Variants in NRG1 observed in about 807,000 individuals in gnomAD.
NRG1 encodes pro-neuregulin-1, membrane-bound isoform.
A neutral mutation model predicts 63.8 loss-of-function variants in NRG1; 18 were observed. That is an observed-to-expected ratio of 0.28 (90% CI 0.19 to 0.42). The LOEUF (loss-of-function observed/expected upper bound fraction) is 0.42, where lower values mean the gene tolerates loss of function less well. Ranked by LOEUF, NRG1 falls within the 10% of genes least tolerant of loss-of-function variation. The pLI, the probability that NRG1 is intolerant of heterozygous loss-of-function variation, is 1.00. For synonymous variants in NRG1, 302 were observed against 301.3 expected, an observed-to-expected ratio of 1.00 and a Z score of -0.02; for missense variants, 762 against 814.7, an observed-to-expected ratio of 0.94 and a Z score of 0.79.
In NRG1 at chr8:32,758,575, CAAAAAAAAAA is replaced by C. The variant is rs35499101; in HGVS notation, c.922-713_922-704del. Among the ~76,000 whole-genome samples, 81 of 74,540 alleles carry C rather than the reference CAAAAAAAAAA, an allele frequency of 1.1e-3. 1 individual carries two copies. The highest frequency in any genetic ancestry group is 4.6e-3 in the African/African-American group (74 of 16,052). 48.9% of individuals were successfully genotyped at this position (74,540 alleles called of 152,430 possible). A position where few individuals can be genotyped will look rare whatever the true frequency, so the allele number is the denominator to read the frequency against. ...TGGGCAACAGAGTGAGACTCCATCT[CAAAAAAAAAA>C]AAAAAAAAAAAAAAAAAGGAGAAGA... On this transcript the variant is annotated intron_variant, in intron 9 of 11. Transcript: ENST00000356819.
chr8:32,591,102 C>T (rs975141867), intron 1 of NRG1, among the ~76,000 whole-genome samples: 1 of 152,110 alleles, frequency 6.6e-6, no homozygotes, highest in African/African-American at 2.4e-5. Context: ...GTTGGTAGTA[C>T]ACAGATGTGT....
intron 1 of NRG1, among the ~76,000 whole-genome samples, chr8:31,853,006 T>C (rs1827420395): frequency 6.6e-6 from 1 of 152,000 alleles, no homozygotes; most frequent in African/African-American, 2.4e-5. Flanking sequence ...CTGTTTTGGT[T>C]ACTGTAGCCT....
intron 1 of NRG1, among the ~76,000 whole-genome samples, chr8:31,644,680 G>A (rs979861261): frequency 5.9e-5 from 9 of 151,928 alleles, no homozygotes; most frequent in African/African-American, 1.9e-4. Flanking sequence ...TCATTCTTCC[G>A]GAAATCTCCT....
chr8:32,362,916 G>C (rs1318322639), intron 1 of NRG1, among the ~76,000 whole-genome samples: 1 of 152,124 alleles, frequency 6.6e-6, no homozygotes, highest in African/African-American at 2.4e-5. Context: ...TTCCAGACAA[G>C]GAAGGAATTA....
At chr8:32,377,026 C>T (rs1296811550) in intron 1 of NRG1, among the ~76,000 whole-genome samples, 1 of 152,160 alleles carries the variant, frequency 6.6e-6, no homozygotes, top group African/African-American at 2.4e-5. Context: ...CACATTTTTA[C>T]AGTAAATGCA....
At chr8:31,715,445 T>C (rs1157718197) in intron 1 of NRG1, among the ~76,000 whole-genome samples, 1 of 152,178 alleles carries the variant, frequency 6.6e-6, no homozygotes, top group Admixed American at 6.5e-5. Context: ...TTAATAAAAG[T>C]ACAGAGCAGC....
intron 1 of NRG1, among the ~76,000 whole-genome samples, chr8:31,666,358 A>G (rs574154065): frequency 6.6e-6 from 1 of 152,284 alleles, no homozygotes; most frequent in Admixed American, 6.5e-5. Flanking sequence ...CAAGGCCTCA[A>G]CATTTTCTAC....
intron 1 of NRG1, among the ~76,000 whole-genome samples, chr8:32,239,569 C>T (rs1285011617): frequency 6.6e-6 from 1 of 151,912 alleles, no homozygotes; most frequent in Non-Finnish European, 1.5e-5. Flanking sequence ...GGGACCTCAT[C>T]AAAATTAAAA....
chr8:32,404,582 C>T (rs1380887568), intron 1 of NRG1, among the ~76,000 whole-genome samples: 2 of 114,458 alleles, frequency 1.7e-5, no homozygotes, highest in South Asian at 3.2e-4. Context: ...TTTTCTTCTT[C>T]ATCTTTTTTT....
At chr8:31,800,473 G>C (rs1018783721) in intron 1 of NRG1, among the ~76,000 whole-genome samples, 1 of 152,100 alleles carries the variant, frequency 6.6e-6, no homozygotes, top group Non-Finnish European at 1.5e-5. Context: ...TGTTTCTACC[G>C]CATTTATCTC....
intron 1 of NRG1, among the ~76,000 whole-genome samples, chr8:31,959,460 G>C (rs1277947367): frequency 6.6e-6 from 1 of 152,128 alleles, no homozygotes; most frequent in Non-Finnish European, 1.5e-5. Flanking sequence ...CTGTGGTTCA[G>C]CATCACCAGG....
intron 1 of NRG1, among the ~76,000 whole-genome samples, chr8:32,466,741 C>T (rs950756284): frequency 6.6e-6 from 1 of 152,070 alleles, no homozygotes; most frequent in African/African-American, 2.4e-5. Flanking sequence ...CAGTGTGTTT[C>T]ACGGCCTTGC....
intron 1 of NRG1, among the ~76,000 whole-genome samples, chr8:32,275,248 T>C (rs1219120137): frequency 6.6e-6 from 1 of 152,224 alleles, no homozygotes; most frequent in African/African-American, 2.4e-5. Context: ...AACAGTGATT[T>C]ACTAACAACC....
At chr8:32,127,528 CGTGTGTGTGT>C (rs3084577) in intron 1 of NRG1, among the ~76,000 whole-genome samples, 7 of 146,278 alleles carry the variant, frequency 4.8e-5, no homozygotes, top group South Asian at 2.2e-4. Context: ...TGTATCTGCA[CGTGTGTGTGT>C]GTGTGTGTGT....
intron 1 of NRG1, among the ~76,000 whole-genome samples, chr8:32,390,427 A>G (rs1410693723): frequency 6.6e-6 from 1 of 151,850 alleles, no homozygotes; most frequent in Non-Finnish European, 1.5e-5. Context: ...CAAAAAATAA[A>G]CAACCAGGCG....
rs1043352729 is a variant in NRG1, at chr8:32,173,368, A to G, written c.38-422460A>G. ...TTAAACATGGAAAGGAACAACCAGT[A>G]CCAGCCACTGCAAAAACATGCCAAA... On this transcript the variant is annotated intron_variant, in intron 1 of 10. Coordinates refer to the NRG1 transcript ENST00000519301. Among the ~76,000 whole-genome samples the G allele has an allele frequency of 2.9e-3, 436 of 152,374 alleles. 2 individuals are homozygous for G. Among genetic ancestry groups the G allele is most frequent in the Non-Finnish European group, 4.6e-3 (314 of 68,036 alleles).
chr8:31,698,677 A>T (rs1208146184), intron 1 of NRG1, among the ~76,000 whole-genome samples: 1 of 152,192 alleles, frequency 6.6e-6, no homozygotes, highest in South Asian at 2.1e-4. Context: ...TGTCTGCTTT[A>T]GTTGAATAGA....
intron 1 of NRG1, among the ~76,000 whole-genome samples, chr8:31,766,729 A>G (rs1818102720): frequency 6.6e-6 from 1 of 152,192 alleles, no homozygotes; most frequent in African/African-American, 2.4e-5. Flanking sequence ...TTCTGCCACA[A>G]GCAATACTCT....
chr8:31,960,803 T>C (rs1001195230), intron 1 of NRG1, among the ~76,000 whole-genome samples: 17 of 152,236 alleles, frequency 1.1e-4, no homozygotes, highest in Admixed American at 1.0e-3. Context: ...TTACATAAAA[T>C]GGCACTAATC....
Sources: gnomAD v4.1 joint callset for allele counts (sites outside exome capture counted in the v4.1 genomes callset) on GRCh38, gnomAD v4.1.1 for gene constraint, MANE v1.5 for transcripts, NCBI Gene and HGNC (gene_info 2026-07-23, HGNC 2026-07-21) for gene names.